The following WDR64 variants were observed in gnomAD, a reference collection of about 807,000 sequenced individuals.
The protein encoded by WDR64 is WD repeat-containing protein 64.
In WDR64, 112 loss-of-function variants were observed where a neutral mutation model predicts 139.3. That is an observed-to-expected ratio of 0.80 (90% CI 0.69 to 0.94). The LOEUF (loss-of-function observed/expected upper bound fraction) is 0.94. Ranked by LOEUF, WDR64 falls within the 40% of genes least tolerant of loss-of-function variation. WDR64 has a pLI of 0.00. For missense variants in WDR64, 1,206 were observed against 1,293.1 expected (o/e 0.93, Z 1.03); for synonymous variants, 444 against 437.7 (o/e 1.01, Z -0.18).
At chr1:241,737,210 A>G (rs984105902) in intron 10 of WDR64, among the ~76,000 whole-genome samples, 3 of 152,216 alleles carry the variant, frequency 2.0e-5, no homozygotes, top group South Asian at 2.1e-4. Context: ...ATAAATTTCA[A>G]TGGTACAAGT....
intron 8 of WDR64, among the ~76,000 whole-genome samples, chr1:241,691,589 A>G (rs1667291361): frequency 7.1e-6 from 1 of 140,672 alleles, no homozygotes; most frequent in South Asian, 2.4e-4. Flanking sequence ...AAAAACCTCC[A>G]GTTAACATCA....
At chr1:241,670,601 C>T (rs141556041) in intron 2 of WDR64, among the ~76,000 whole-genome samples, 17 of 152,308 alleles carry the variant, frequency 1.1e-4, no homozygotes, top group African/African-American at 4.1e-4. Context: ...ACCAGGGGTC[C>T]TCAACCCCAC....
At chr1:241,796,444 G>A (rs1321232680) in intron 27 of WDR64, 74 bp downstream of exon 27, 3 of 999,902 alleles carry the variant, frequency 3.0e-6, no homozygotes, top group African/African-American at 1.7e-5. Flanking sequence ...TTAAAAATAT[G>A]TCTCTGCTTT....
At chr1:241,741,040 TA>T (rs2148243263) in intron 11 of WDR64, among the ~76,000 whole-genome samples, 1 of 152,336 alleles carries the variant, frequency 6.6e-6, no homozygotes, top group Non-Finnish European at 1.5e-5. Context: ...TTACATTTAA[TA>T]AGACCATGTT....
intron 2 of WDR64, among the ~76,000 whole-genome samples, chr1:241,667,237 G>A (rs950122636): frequency 7.2e-5 from 11 of 152,162 alleles, no homozygotes; most frequent in African/African-American, 1.7e-4. Context: ...CACATTCTCT[G>A]AAAATTATTA....
At chr1:241,786,093 G>GTTC (rs1353848172) in intron 23 of WDR64, among the ~76,000 whole-genome samples, 3 of 152,184 alleles carry the variant, frequency 2.0e-5, no homozygotes, top group Non-Finnish European at 4.4e-5. Context: ...TTTGGTAAAG[G>GTTC]TTCTGGCCAG....
chr1:241,654,833 A>G (rs991832447), intron 1 of WDR64, among the ~76,000 whole-genome samples: 2 of 152,232 alleles, frequency 1.3e-5, no homozygotes, highest in Non-Finnish European at 2.9e-5. Flanking sequence ...TATTAAAACT[A>G]TTGTATAAAA....
intron 9 of WDR64, among the ~76,000 whole-genome samples, chr1:241,715,100 A>G (rs754316646): frequency 6.6e-6 from 1 of 152,196 alleles, no homozygotes; most frequent in African/African-American, 2.4e-5. Context: ...CATGAAGAAA[A>G]GAAAGGAAGG....
intron 9 of WDR64, among the ~76,000 whole-genome samples, chr1:241,717,769 T>C (rs1319225725): frequency 6.6e-6 from 1 of 152,180 alleles, no homozygotes; most frequent in Non-Finnish European, 1.5e-5. Flanking sequence ...CCTTACCTTA[T>C]TGCTACTACT....
intron 9 of WDR64, among the ~76,000 whole-genome samples, chr1:241,719,603 G>T (rs1299395287): frequency 3.9e-5 from 6 of 152,078 alleles, no homozygotes; most frequent in Non-Finnish European, 8.8e-5. Flanking sequence ...TATCAAATTT[G>T]CCTGGTTTAT....
Position 241,749,576 on chromosome 1 carries a change from G to A in WDR64, c.1624G>A (p.Gly542Arg). 1 of 1,614,124 alleles carries A rather than the reference G, an allele frequency of 6.2e-7. No homozygotes were observed. Among genetic ancestry groups the A allele is most frequent in the Admixed American group, 1.7e-5 (1 of 60,022 alleles). Reference sequence around the variant, plus strand: ...AGTCAGAATCTGGGACTTTGGCAGTGGGCAGGAGATGAAGGTGTTGCCGGA... The same window carrying A: ...AGTCAGAATCTGGGACTTTGGCAGTAGGCAGGAGATGAAGGTGTTGCCGGA... ...GTVRIWDFGS[G>R]QEMKVLPEGK... Residue 542 changes from glycine to arginine, a missense_variant, in exon 14 of 28, where the codon GGG (glycine) becomes AGG (arginine). Physicochemically the swap from Gly to Arg is moderately radical, Grantham distance 125 (BLOSUM62 -2). Transcript: ENST00000437684.
chr1:241,761,872 G>A (rs1011166520), intron 15 of WDR64, among the ~76,000 whole-genome samples: 4 of 152,124 alleles, frequency 2.6e-5, no homozygotes, highest in Admixed American at 6.5e-5. Context: ...AGCAAGTTAC[G>A]CTTCGCTTCT....
chr1:241,784,506 G>GCAT (rs1658961494), intron 23 of WDR64, among the ~76,000 whole-genome samples: 1 of 152,176 alleles, frequency 6.6e-6, no homozygotes, highest in Non-Finnish European at 1.5e-5. Flanking sequence ...GCAACTAGGT[G>GCAT]AATGTTAGAA....
intron 23 of WDR64, among the ~76,000 whole-genome samples, chr1:241,783,769 T>G (rs956304955): frequency 2.6e-5 from 4 of 152,108 alleles, no homozygotes; most frequent in Admixed American, 6.6e-5. Context: ...CTGAGAAAAG[T>G]GGGTAAGCTA....
In WDR64 at chr1:241,775,082, T is replaced by C. The variant is rs572809474; in HGVS notation, c.2431-23T>C. 1.0e-5 allele frequency: 16 copies of C among 1,526,180 alleles called. No homozygotes were observed. In the African/African-American group the frequency reaches 1.7e-4, roughly 16 times the overall value. The allele number at this position is 1,526,180 out of a possible 1,614,324, so 94.5% of individuals were successfully genotyped here. ...AGACTTACTAGCAAAGAAAAAGTTT[T>C]ATTTGCATTATACTTTATTTAGGGA... On this transcript the variant is annotated intron_variant, in intron 20 of 27. Transcript: ENST00000437684.
At chr1:241,795,365 C>A (rs1659334650) in intron 26 of WDR64, 78 bp downstream of exon 26, 1 of 1,323,686 alleles carries the variant, frequency 7.6e-7, no homozygotes, top group Non-Finnish European at 1.1e-6. Flanking sequence ...CCTGGGCTAC[C>A]AAGCAAGGTT....
chr1:241,795,702 G>GC (rs369672302), intron 26 of WDR64, among the ~76,000 whole-genome samples: 1 of 151,946 alleles, frequency 6.6e-6, no homozygotes, highest in African/African-American at 2.4e-5. Flanking sequence ...TGCCCGTGCT[G>GC]CCCCCCTGCC....
intron 8 of WDR64, among the ~76,000 whole-genome samples, chr1:241,691,838 AC>A (rs1471660949): frequency 1.3e-5 from 2 of 152,236 alleles, no homozygotes; most frequent in Non-Finnish European, 2.9e-5. Flanking sequence ...ACATGGTGAA[AC>A]CCTGTCTCTA....
chr1:241,786,239 A>C (rs942840502), intron 23 of WDR64, among the ~76,000 whole-genome samples: 5 of 152,006 alleles, frequency 3.3e-5, no homozygotes, highest in Admixed American at 2.6e-4. Flanking sequence ...CTCAACATCT[A>C]CCTCTCTGAG....
Sources: allele counts gnomAD v4.1 joint callset (sites outside exome capture counted in the v4.1 genomes callset), GRCh38; gene constraint gnomAD v4.1.1; transcripts MANE v1.5; gene names NCBI Gene and HGNC (gene_info 2026-07-23, HGNC 2026-07-21).